AHI1: variants seen among roughly 807,000 people sequenced by gnomAD.
AHI1 encodes Abelson helper integration site 1.
Under a neutral mutation model 149.3 loss-of-function variants are expected in AHI1, and 123 were observed. The observed-to-expected ratio is 0.82, with a 90% confidence interval of 0.71 to 0.96. The LOEUF is 0.96. Ranked by LOEUF, AHI1 falls within the 40% of genes least tolerant of loss-of-function variation. The pLI, the probability that AHI1 is intolerant of heterozygous loss-of-function variation, is 0.00. For missense variants in AHI1, 1,439 were observed against 1,422.7 expected, an observed-to-expected ratio of 1.01 and a Z score of -0.18; for synonymous variants, 475 against 459.8, an observed-to-expected ratio of 1.03 and a Z score of -0.42.
chr6:135,293,947 G>C (rs1239175373), intron 27 of AHI1, among the ~76,000 whole-genome samples: 2 of 152,194 alleles, frequency 1.3e-5, no homozygotes, highest in East Asian at 3.8e-4. Flanking sequence ...AAAGTTGGAG[G>C]ACTAATATTA....
intron 27 of AHI1, among the ~76,000 whole-genome samples, chr6:135,296,907 C>T (rs1174579527): frequency 6.6e-6 from 1 of 152,214 alleles, no homozygotes; most frequent in African/African-American, 2.4e-5. Context: ...TGTCTGTCTT[C>T]CTTGCCACAC....
chr6:135,323,381 C>T, intron 24 of AHI1, 57 bp from the exon 25 acceptor site: 1 of 1,553,810 alleles, frequency 6.4e-7, no homozygotes, highest in Non-Finnish European at 8.8e-7. Flanking sequence ...AGAGAAAACC[C>T]CCAACATTCA....
chr6:135,317,253 A>G (rs188442686), intron 26 of AHI1, among the ~76,000 whole-genome samples: 3 of 151,802 alleles, frequency 2.0e-5, no homozygotes, highest in Non-Finnish European at 4.4e-5. Flanking sequence ...TACGTCCTTC[A>G]GGGGATCCCC....
rs62431531 is a variant in AHI1, at chr6:135,475,318, G to A, written c.136-7684C>T. ...TGTTTCCCAATCAGCCTGGTTACAGGTAGTACAGAAAACAGTTAATTCATG... is the reference window on the plus strand; with the variant it reads ...TGTTTCCCAATCAGCCTGGTTACAGATAGTACAGAAAACAGTTAATTCATG... On this transcript the variant is annotated intron_variant, in intron 5 of 28. Transcript: ENST00000265602. 8.3e-3 allele frequency among the ~76,000 whole-genome samples: 1,267 copies of A among 152,252 alleles called. 10 individuals carry two copies. The highest frequency in any genetic ancestry group is 0.034 in the Middle Eastern group (10 of 294).
At chr6:135,396,376 C>T (rs1396820694) in intron 22 of AHI1, among the ~76,000 whole-genome samples, 1 of 151,750 alleles carries the variant, frequency 6.6e-6, no homozygotes, top group Non-Finnish European at 1.5e-5. Context: ...AATATCTATA[C>T]TTCAATGCGA....
chr6:135,303,384 G>C (rs2128355142), intron 26 of AHI1, among the ~76,000 whole-genome samples: 1 of 152,256 alleles, frequency 6.6e-6, no homozygotes, highest in South Asian at 2.1e-4. Flanking sequence ...CCTCATGATA[G>C]ATATACCTTT....
chr6:135,344,795 TAAAGTG>T (rs1301306024), intron 24 of AHI1, among the ~76,000 whole-genome samples: 2 of 151,784 alleles, frequency 1.3e-5, no homozygotes, highest in East Asian at 3.8e-4. Context: ...GGAGAATCCA[TAAAGTG>T]AAAGCAAGTT....
Position 135,370,823 on chromosome 6 carries a change from C to T in AHI1, c.3110-12636G>A, listed in dbSNP as rs146148814. On this transcript the variant is annotated intron_variant, in intron 23 of 28. Coordinates refer to ENST00000265602, the MANE Select transcript of AHI1 (RefSeq NM_001134831.2). Reference sequence around the variant, plus strand: ...TTTTTAAAATTTTCTTGTTTTCGGTCTATTTCAGTGGATACTCCTTTTTTT... The same window carrying T: ...TTTTTAAAATTTTCTTGTTTTCGGTTTATTTCAGTGGATACTCCTTTTTTT... 2.5e-3 allele frequency among the ~76,000 whole-genome samples: 383 copies of T among 152,138 alleles called. 5 individuals carry two copies. The highest frequency in any genetic ancestry group is 8.5e-3 in the African/African-American group (351 of 41,530).
chr6:135,354,154 A>G (rs541551023), intron 24 of AHI1, among the ~76,000 whole-genome samples: 1 of 152,110 alleles, frequency 6.6e-6, no homozygotes, highest in Non-Finnish European at 1.5e-5. Flanking sequence ...TCCATTTGCT[A>G]AAAGAAGCTT....
chr6:135,301,516 T>C (rs993513025), intron 26 of AHI1: 1 of 985,346 alleles, frequency 1.0e-6, no homozygotes, highest in African/African-American at 1.7e-5. Flanking sequence ...TGCAAGATCA[T>C]TCTTCAGCAA....
At chr6:135,379,027 C>T (rs905688073) in intron 23 of AHI1, among the ~76,000 whole-genome samples, 2 of 152,190 alleles carry the variant, frequency 1.3e-5, no homozygotes, top group African/African-American at 4.8e-5. Flanking sequence ...TCTATACTTA[C>T]ACTCTAAGCC....
At chr6:135,492,176 A>T in intron 4 of AHI1, 52 bp downstream of exon 4, 4 of 1,381,272 alleles carry the variant, frequency 2.9e-6, no homozygotes, top group Non-Finnish European at 3.9e-6. Context: ...CCAAACTTAA[A>T]AGTAAATGTA....
chr6:135,364,640 G>A (rs566574083), intron 23 of AHI1, among the ~76,000 whole-genome samples: 12 of 152,024 alleles, frequency 7.9e-5, no homozygotes, highest in East Asian at 3.9e-4. Context: ...CTGCAATCCC[G>A]GCACCTCGGG....
At chr6:135,428,791 T>C (rs1017443578) in intron 18 of AHI1, 32 bp from the exon 19 acceptor site, 44 of 1,560,532 alleles carry the variant, frequency 2.8e-5, no homozygotes, top group Non-Finnish European at 3.4e-5. Context: ...CAAATGTAAC[T>C]GTCTTAATCA....
intron 26 of AHI1, among the ~76,000 whole-genome samples, chr6:135,304,456 T>G (rs1163269443): frequency 6.6e-6 from 1 of 152,140 alleles, no homozygotes; most frequent in Non-Finnish European, 1.5e-5. Context: ...TAAGATGCAG[T>G]TTCTAGAAGC....
chr6:135,487,299 A>T (rs1418088125), intron 5 of AHI1, among the ~76,000 whole-genome samples: 2 of 152,126 alleles, frequency 1.3e-5, no homozygotes, highest in Non-Finnish European at 1.5e-5. Flanking sequence ...AATAACTTTT[A>T]ACTATACGCT....
chr6:135,450,704 T>C (rs1189807018), intron 11 of AHI1, among the ~76,000 whole-genome samples: 1 of 152,222 alleles, frequency 6.6e-6, no homozygotes, highest in South Asian at 2.1e-4. Context: ...TTAGTTTACA[T>C]TAATACGTTG....
Position 135,325,407 on chromosome 6 carries a change from T to C in AHI1, c.3166-2083A>G, listed in dbSNP as rs373337519. On this transcript the variant is annotated intron_variant, in intron 24 of 28. Coordinates refer to ENST00000265602, the MANE Select transcript of AHI1 (RefSeq NM_001134831.2). ...TAACTTTTCTCTTTGTTCTCCAAAT[T>C]TCTCTTTCAGTCTCTTACCTGGTAC... Among the ~76,000 whole-genome samples the C allele has an allele frequency of 7.9e-5, 12 of 152,336 alleles. 1 individual carries two copies. Among genetic ancestry groups the C allele is most frequent in the East Asian group, 1.9e-4 (1 of 5,186 alleles).
At chr6:135,465,604 G>C (rs1790614599) in intron 7 of AHI1, among the ~76,000 whole-genome samples, 1 of 152,126 alleles carries the variant, frequency 6.6e-6, no homozygotes, top group Admixed American at 6.5e-5. Flanking sequence ...TTCCTTATAA[G>C]ATTGTCATAA....
Sources: gnomAD v4.1 joint callset for allele counts (sites outside exome capture counted in the v4.1 genomes callset) on GRCh38, gnomAD v4.1.1 for gene constraint, MANE v1.5 for transcripts, NCBI Gene and HGNC (gene_info 2026-07-23, HGNC 2026-07-21) for gene names.